ACADVL: variants seen among roughly 807,000 people sequenced by gnomAD.
ACADVL encodes very long-chain acyl-CoA dehydrogenase, mitochondrial.
A neutral mutation model predicts 80.4 loss-of-function variants in ACADVL; 73 were observed. The observed-to-expected ratio is 0.91, with a 90% CI of 0.75 to 1.10. The LOEUF (loss-of-function observed/expected upper bound fraction) is 1.10, where lower values mean the gene tolerates loss of function less well. ACADVL is among the 50% of genes least tolerant of loss of function. The probability of loss-of-function intolerance (pLI) is 0.00; values close to 1 mark genes in which losing one functional copy is unlikely to be tolerated. For missense variants in ACADVL, 878 were observed against 858.9 expected, an observed-to-expected ratio of 1.02 and a Z score of -0.28; for synonymous variants, 392 against 326.5, an observed-to-expected ratio of 1.20 and a Z score of -2.16.
At chr17:7,217,215 C>T (rs2070959329), upstream of ACADVL, 5 of 1,257,830 alleles carry the variant, frequency 4.0e-6, no homozygotes, top group African/African-American at 3.1e-5. Context: ...TCCTCCCCTC[C>T]GTGGGTTCTC....
rs919047718 is a variant in ACADVL, at chr17:7,222,476, C to G, written c.878+174C>G. On this transcript the variant is annotated intron_variant, in intron 9 of 19. Transcript: ENST00000356839. ...GAGCTAAAGTTTTGGCTCCAGCAAC[C>G]AAGTCCAACACAAAATAGGACATAG... The G allele has an allele frequency of 5.9e-6, 7 of 1,186,026 alleles. No homozygotes were observed. The Admixed American group carries it at 6.9e-5, about 12-fold the overall frequency. 73.5% of individuals were successfully genotyped at this position (1,186,026 alleles called of 1,614,324 possible).
upstream of ACADVL, chr17:7,218,699 C>G (rs2071048998): frequency 6.5e-6 from 10 of 1,540,336 alleles, no homozygotes; most frequent in South Asian, 1.2e-4. Flanking sequence ...GATGAACACA[C>G]TGTCACTTCA....
upstream of ACADVL, chr17:7,218,921 C>A: frequency 6.4e-7 from 1 of 1,560,086 alleles, no homozygotes; most frequent in South Asian, 1.1e-5. Context: ...CCACTAAATT[C>A]CAGCTGTGAG....
At position 7,224,367 on chromosome 17, in the gene ACADVL, C is replaced by T. The variant is rs772316982; in HGVS notation, c.1579C>T (p.Pro527Ser). The T allele has an allele frequency of 3.1e-6, 5 of 1,613,690 alleles. No individual in the cohort carries two copies. The highest frequency in any genetic ancestry group is 2.7e-5 in the African/African-American group (2 of 74,882). Residue 527 changes from proline to serine, a missense_variant, in exon 16 of 20, where the codon CCG (proline) becomes TCG (serine). Coordinates refer to ENST00000356839, the MANE Select transcript of ACADVL (RefSeq NM_000018.4). ...CCTGAGTCTCAGCGGACTTGTCCACCCGGAGTTGAGTCGGAGTGGCGAGCT... is the reference window on the plus strand; with the variant it reads ...CCTGAGTCTCAGCGGACTTGTCCACTCGGAGTTGAGTCGGAGTGGCGAGCT... ...SGLSLSGLVH[P>S]ELSRSGELAV... is the part of the protein sequence containing the mutation.
At position 7,222,410 on chromosome 17, in the gene ACADVL, G is replaced by A; in HGVS notation, c.878+108G>A. ...GGGACGTGTGCAAAAGCCAAAGCAG[G>A]TGGACTGAATGTGGCCTTTGGGACT... On this transcript the variant is annotated intron_variant, in intron 9 of 19. Transcript: ENST00000356839. The A allele has an allele frequency of 2.7e-6, 4 of 1,500,506 alleles. No homozygotes were observed. In the South Asian group the frequency reaches 5.0e-5, roughly 19 times the overall value. The allele number at this position is 1,500,506 out of a possible 1,614,324, so 92.9% of individuals were successfully genotyped here.
At chr17:7,219,287 C>A, upstream of ACADVL, 1 of 621,060 alleles carries the variant, frequency 1.6e-6, no homozygotes, top group Non-Finnish European at 2.1e-6. Context: ...CGGGAGGAAT[C>A]CATCTGCCTG....
At chr17:7,221,280 C>CT (rs748119925) in intron 6 of ACADVL, 20 of 952,880 alleles carry the variant, frequency 2.1e-5, no homozygotes, top group African/African-American at 3.3e-5. Context: ...TTACAAATCT[C>CT]TAAGTTGGGG....
chr17:7,219,731 T>G (rs2071090025), upstream of ACADVL: 3 of 1,432,990 alleles, frequency 2.1e-6, no homozygotes, highest in Admixed American at 5.1e-5. Flanking sequence ...GTCGGAGGAC[T>G]AGACTCTAGG....
At position 7,224,215 on chromosome 17, in the gene ACADVL, C is replaced by G. The variant is rs779901247; in HGVS notation, c.1504C>G (p.Leu502Val). 4.3e-6 allele frequency: 7 copies of G among 1,613,886 alleles called. No individual in the cohort carries two copies. The highest frequency in any genetic ancestry group is 1.3e-5 in the African/African-American group (1 of 74,906). ...TCCCTTTGGGAATGCTGGCCTCCTG[C>G]TAGGAGAGGCAGGCAAACAGCTGAG... ...KNPFGNAGLL[L>V]GEAGKQLRRR... Residue 502 changes from leucine (L) to valine (V), a missense_variant, in exon 15 of 20, where the codon CTA becomes GTA. Transcript: ENST00000356839.
At chr17:7,223,771 G>A in intron 12 of ACADVL, 41 bp downstream of exon 12, 4 of 1,614,070 alleles carry the variant, frequency 2.5e-6, no homozygotes, top group East Asian at 2.2e-5. Context: ...CAGTTTGGGT[G>A]CTCAGCTCCC....
rs2071123075 is a variant in ACADVL at position 7,220,182 on chromosome 17, CG to C, written c.128del (p.Gly43ValfsTer18). 2 of 1,534,402 alleles carry C rather than the reference CG, an allele frequency of 1.3e-6. No individual in the cohort carries two copies. Among genetic ancestry groups the C allele is most frequent in the African/African-American group, 1.4e-5 (1 of 73,434 alleles). The part of the protein sequence containing the change: ...RPGPARRPYA[G>X]GAAQLALDKS... ...CCGGCCCTGCCCGGCGGCCCTATGC[CG>C]GGGGTGCCGCTCAGGTAAGTCACCG... is the stretch of plus-strand genomic sequence containing the variant. On this transcript the variant is annotated frameshift_variant, in exon 2 of 20. Transcript: ENST00000356839. LOFTEE classifies it high-confidence loss of function.
Position 7,223,984 on chromosome 17 carries a change from G to A in ACADVL, c.1349G>A (p.Arg450His), listed in dbSNP as rs118204016. 25 of 1,613,986 alleles carry A rather than the reference G, an allele frequency of 1.5e-5. 1 individual carries two copies. Among genetic ancestry groups the A allele is most frequent in the East Asian group, 1.3e-4 (6 of 44,888 alleles). Residue 450 changes from arginine to histidine, a missense_variant, in exon 14 of 20, where the codon CGT becomes CAT. Physicochemically the swap from Arg to His is conservative, Grantham distance 29. Transcript: ENST00000356839. ...CTGTGCTAGGAACCTGGAGTAGAGC[G>A]TGTGCTCCGAGATCTTCGCATCTTC... ...MGFMKEPGVE[R>H]VLRDLRIFRI...
At chr17:7,223,288 G>A in intron 11 of ACADVL, 51 bp downstream of exon 11, 4 of 1,533,070 alleles carry the variant, frequency 2.6e-6, no homozygotes. Flanking sequence ...TTTCTTCCCA[G>A]TCGGGTCAGA....
upstream of ACADVL, chr17:7,219,375 G>A: frequency 9.9e-7 from 1 of 1,011,620 alleles, no homozygotes; most frequent in Non-Finnish European, 1.2e-6. Context: ...TTTACTAAGG[G>A]AGGGGCAGTG....
Position 7,225,162 on chromosome 17 carries a change from C to T in ACADVL, c.*65C>T. On this transcript the variant is annotated 3_prime_UTR_variant, in exon 20 of 20. Transcript: ENST00000356839. ...CTCAAGCCAAAGCCGAAGCCCCTTT[C>T]CTTAAGGCCCTGGTTTGTCCCGAAG... 2 of 1,609,370 alleles carry T rather than the reference C, an allele frequency of 1.2e-6. No individual in the cohort carries two copies.
upstream of ACADVL, chr17:7,219,163 A>G (rs559343660): frequency 3.0e-4 from 124 of 418,260 alleles, 1 homozygote; most frequent in African/African-American, 4.7e-4. Context: ...TCTCACCCCA[A>G]TGAGAATTGC....
At chr17:7,222,513 T>C (rs937643943) in intron 9 of ACADVL, 154 bp from the exon 10 acceptor site, 81 of 1,147,698 alleles carry the variant, frequency 7.1e-5, no homozygotes, top group Admixed American at 2.7e-4. Context: ...CAGGCCTCCT[T>C]AGCCCTCAGG....
In ACADVL at chr17:7,225,018, T is replaced by G; in HGVS notation, c.1889T>G (p.Leu630Arg). 1 of 1,614,066 alleles carries G rather than the reference T, an allele frequency of 6.2e-7. No individual in the cohort carries two copies. The highest frequency in any genetic ancestry group is 8.5e-7 in the Non-Finnish European group (1 of 1,180,024). The change falls in exon 20 of 20, where the codon CTC becomes CGC. Residue 630 changes from leucine (L) to arginine (R), a missense_variant. By Grantham distance (102) the Leu-to-Arg change is moderately radical (BLOSUM62 -2). Coordinates refer to ENST00000356839, the MANE Select transcript of ACADVL (RefSeq NM_000018.4). ...ALQSDPWQQE[L>R]YRNFKSISKA... ...CAGTCTGACCCCTGGCAGCAAGAGC[T>G]CTACCGCAACTTCAAAAGCATCTCC...
Position 7,224,245 on chromosome 17 carries a change from T to A in ACADVL, c.1532+2T>A, listed in dbSNP as rs111851815. 6.2e-7 allele frequency: 1 copy of A among 1,613,714 alleles called. No individual in the cohort carries two copies. The highest frequency in any genetic ancestry group is 1.1e-5 in the South Asian group (1 of 91,078). ...AGAGGCAGGCAAACAGCTGAGGCGG[T>A]AGGCTTAGGGCCAGAGCCAGGGGAG... On this transcript the variant is annotated splice_donor_variant, in intron 15 of 19. Transcript: ENST00000356839. LOFTEE classifies it high-confidence loss of function.
Sources: gnomAD v4.1 joint callset for allele counts on GRCh38, gnomAD v4.1.1 for gene constraint, MANE v1.5 for transcripts, NCBI Gene and HGNC (gene_info 2026-07-23, HGNC 2026-07-21) for gene names.